LARP4: variants seen among roughly 807,000 people sequenced by gnomAD.
The protein encoded by LARP4 is la-related protein 4.
A neutral mutation model predicts 92.9 loss-of-function variants in LARP4; 29 were observed. The ratio of observed to expected loss-of-function variants is 0.31; its 90% CI spans 0.23 to 0.43. The LOEUF (loss-of-function observed/expected upper bound fraction) is 0.43, where lower values mean the gene tolerates loss of function less well. Among genes scored for constraint, LARP4 ranks in the 20% least tolerant of loss-of-function variants. The probability of loss-of-function intolerance (pLI) is 1.00; values close to 1 mark genes in which losing one functional copy is unlikely to be tolerated. For missense variants in LARP4, 732 were observed against 860.0 expected, an observed-to-expected ratio of 0.85 and a Z score of 1.86; for synonymous variants, 279 against 284.1, an observed-to-expected ratio of 0.98 and a Z score of 0.18.
chr12:50,419,350 G>C (rs980364608), intron 1 of LARP4, among the ~76,000 whole-genome samples: 2 of 152,130 alleles, frequency 1.3e-5, no homozygotes, highest in Admixed American at 6.6e-5. Context: ...GGGCAACAGA[G>C]TGAGACCCTG....
At chr12:50,461,965 A>T (rs755771738) in intron 11 of LARP4, among the ~76,000 whole-genome samples, 2 of 152,066 alleles carry the variant, frequency 1.3e-5, no homozygotes, top group Admixed American at 6.6e-5. Flanking sequence ...CTCAAAATAT[A>T]AATAAACTAT....
At chr12:50,464,682 C>T (rs1005483627) in intron 12 of LARP4, among the ~76,000 whole-genome samples, 1 of 143,938 alleles carries the variant, frequency 6.9e-6, no homozygotes, top group Non-Finnish European at 1.5e-5. Flanking sequence ...CGTGAGCCAT[C>T]GTGCCTGACC....
Position 50,462,623 on chromosome 12 carries a change from G to C in LARP4, c.1376G>C (p.Arg459Thr), listed in dbSNP as rs771333693. 9 of 1,389,476 alleles carry C rather than the reference G, an allele frequency of 6.5e-6. No individual in the cohort carries two copies. In the Admixed American group the frequency reaches 1.8e-4, roughly 28 times the overall value. 86.1% of individuals were successfully genotyped at this position (1,389,476 alleles called of 1,614,324 possible). A position where few individuals can be genotyped will look rare whatever the true frequency, so the allele number is the denominator to read the frequency against. Residue 459 changes from arginine (R) to threonine (T), a missense_variant, in exon 12 of 16, where the codon AGG becomes ACG. Physicochemically the swap from Arg to Thr is moderately conservative, Grantham distance 71. Coordinates refer to ENST00000398473, the MANE Select transcript of LARP4 (RefSeq NM_052879.5). The stretch of plus-strand genomic sequence containing the variant: ...GGTCGAAGACGACGAGAAGATGACA[G>C]GATCTCAGTAAGTTTTTTAAAACTT... ...FRGRRRREDD[R>T]ISRPHPSTAE... is the part of the protein sequence containing the mutation.
chr12:50,428,544 T>TA (rs950912150), intron 2 of LARP4, among the ~76,000 whole-genome samples: 1 of 152,204 alleles, frequency 6.6e-6, no homozygotes, highest in African/African-American at 2.4e-5. Context: ...AATTAGTTTT[T>TA]ATCTACCATC....
chr12:50,451,984 C>G (rs1254264024), intron 8 of LARP4, among the ~76,000 whole-genome samples: 1 of 152,076 alleles, frequency 6.6e-6, no homozygotes, highest in Non-Finnish European at 1.5e-5. Flanking sequence ...GCCTGGGCGA[C>G]AGAGCAAGAC....
chr12:50,410,408 CTTT>C (rs200457985), intron 1 of LARP4, among the ~76,000 whole-genome samples: 4 of 132,974 alleles, frequency 3.0e-5, no homozygotes, highest in Non-Finnish European at 4.9e-5. Context: ...GATTCTTTAT[CTTT>C]TTTTTTTTTT....
At chr12:50,453,091 T>TC (rs1226166995) in intron 8 of LARP4, among the ~76,000 whole-genome samples, 1 of 150,596 alleles carries the variant, frequency 6.6e-6, no homozygotes, top group Non-Finnish European at 1.5e-5. Flanking sequence ...TTTTTTTTTT[T>TC]CCTTGTAAGG....
At chr12:50,447,859 C>A (rs1432461978) in intron 8 of LARP4, among the ~76,000 whole-genome samples, 6 of 150,496 alleles carry the variant, frequency 4.0e-5, no homozygotes, top group Admixed American at 4.0e-4. Flanking sequence ...CCGCACCACT[C>A]CCCCCCCATT....
At chr12:50,401,187 C>G (rs1044020403) in intron 1 of LARP4, 159 bp downstream of exon 1, 2 of 776,752 alleles carry the variant, frequency 2.6e-6, no homozygotes, top group South Asian at 2.9e-5. Flanking sequence ...CAGCTTCCCT[C>G]TGCGCGCTCA....
In LARP4 at chr12:50,458,131, G is replaced by A. The variant is rs11169430; in HGVS notation, c.1122-3004G>A. On this transcript the variant is annotated intron_variant, in intron 10 of 15. Coordinates refer to ENST00000398473, the MANE Select transcript of LARP4 (RefSeq NM_052879.5). ...GTATTTTTTTTTTTGTAAAGACAGG[G>A]TTTTGCCATGTTGTGCAGGCTGGTC... is the stretch of plus-strand genomic sequence containing the variant. Among the ~76,000 whole-genome samples the A allele has an allele frequency of 5.0e-4, 76 of 151,544 alleles. No homozygotes were observed. In the East Asian group the frequency reaches 0.015, roughly 29 times the overall value.
chr12:50,448,417 T>C (rs1007484925), intron 8 of LARP4, among the ~76,000 whole-genome samples: 1 of 152,200 alleles, frequency 6.6e-6, no homozygotes, highest in Non-Finnish European at 1.5e-5. Flanking sequence ...TTGTTTCCTC[T>C]ATATTCCCAC....
At chr12:50,406,906 C>T (rs1223373630) in intron 1 of LARP4, among the ~76,000 whole-genome samples, 2 of 151,986 alleles carry the variant, frequency 1.3e-5, no homozygotes, top group South Asian at 2.1e-4. Flanking sequence ...TTAGTAGAGA[C>T]GAGGTTTCGC....
At chr12:50,415,000 C>T (rs776481154) in intron 1 of LARP4, among the ~76,000 whole-genome samples, 7 of 152,026 alleles carry the variant, frequency 4.6e-5, no homozygotes. Flanking sequence ...GTCAGGAGTT[C>T]GAGACCAGCC....
At chr12:50,457,309 C>T (rs1427701074) in intron 10 of LARP4, among the ~76,000 whole-genome samples, 5 of 149,748 alleles carry the variant, frequency 3.3e-5, no homozygotes, top group Non-Finnish European at 7.4e-5. Flanking sequence ...CGGGTTCAAG[C>T]GATACTCCTG....
chr12:50,408,187 CTTT>C (rs71083565), intron 1 of LARP4, among the ~76,000 whole-genome samples: 6 of 69,264 alleles, frequency 8.7e-5, no homozygotes, highest in South Asian at 1.5e-3. Flanking sequence ...GGATTTTCTG[CTTT>C]TTTTTTTTTT....
chr12:50,454,288 T>C (rs767755164), intron 9 of LARP4, 26 bp from the exon 10 acceptor site: 1 of 1,550,120 alleles, frequency 6.5e-7, no homozygotes, highest in Non-Finnish European at 8.9e-7. Flanking sequence ...GCCATTAATA[T>C]TGTTTAAACA....
At chr12:50,455,589 T>C (rs183022685) in intron 10 of LARP4, among the ~76,000 whole-genome samples, 1 of 152,320 alleles carries the variant, frequency 6.6e-6, no homozygotes, top group African/African-American at 2.4e-5. Flanking sequence ...CCAAGATGAC[T>C]TCTAGGAACT....
At chr12:50,470,425 T>G (rs1956793339) in intron 13 of LARP4, among the ~76,000 whole-genome samples, 1 of 151,538 alleles carries the variant, frequency 6.6e-6, no homozygotes, top group African/African-American at 2.4e-5. Context: ...TATACTTTCT[T>G]TCTTTCTTTC....
At chr12:50,434,411 C>CTT (rs1292182964) in intron 4 of LARP4, among the ~76,000 whole-genome samples, 1 of 136,988 alleles carries the variant, frequency 7.3e-6, no homozygotes, top group South Asian at 2.3e-4. Context: ...TTTTATTTTT[C>CTT]TTTTTTTTTT....
Sources: gnomAD v4.1 joint callset for allele counts (sites outside exome capture counted in the v4.1 genomes callset) on GRCh38, gnomAD v4.1.1 for gene constraint, MANE v1.5 for transcripts, NCBI Gene and HGNC (gene_info 2026-07-23, HGNC 2026-07-21) for gene names.